TAMALIN: variants seen among roughly 807,000 people sequenced by gnomAD.
TAMALIN encodes trafficking regulator and scaffold protein tamalin, also known as protein TAMALIN.
TAMALIN carries 9 observed loss-of-function variants against 38.5 expected under a neutral mutation model. That is an observed-to-expected ratio of 0.23 (90% CI 0.14 to 0.41). The LOEUF is 0.41. Ranked by LOEUF, TAMALIN falls within the 10% of genes least tolerant of loss-of-function variation. TAMALIN has a pLI of 1.00. For missense variants in TAMALIN, 548 were observed against 554.1 expected, an observed-to-expected ratio of 0.99 and a Z score of 0.11; for synonymous variants, 306 against 256.5, an observed-to-expected ratio of 1.19 and a Z score of -1.85.
chr12:52,012,417 C>T lies in TAMALIN; in HGVS notation c.455-1270C>T, dbSNP rs189877176. ...TACAGGCACTGGCCACCAAGCCCAG[C>T]TCATTTTTGTATTTTTAGTAGAGAT... On this transcript the variant is annotated intron_variant, in intron 4 of 7. Transcript: ENST00000293662. Among the ~76,000 whole-genome samples, 292 of 152,324 alleles carry T rather than the reference C, an allele frequency of 1.9e-3. 1 individual carries two copies. The highest frequency in any genetic ancestry group is 6.6e-3 in the South Asian group (32 of 4,816).
rs2120820498 is a variant in TAMALIN at position 52,007,602 on chromosome 12, C to G, written c.246+337C>G. ...CCCCGTGGCCAGGTGTCCTGGGTCC[C>G]CAGGAGCCCCTCGCCCGAGGGACAG... On this transcript the variant is annotated intron_variant, in intron 1 of 7. Coordinates refer to ENST00000293662, the MANE Select transcript of TAMALIN (RefSeq NM_181711.4). The surrounding 1 kb of genome is among the most constrained non-coding windows in gnomAD (Gnocchi z 6.7). The G allele has an allele frequency of 1.0e-6, 1 of 985,314 alleles. No individual in the cohort carries two copies. The highest frequency in any genetic ancestry group is 1.1e-4 in the East Asian group (1 of 8,784). 61.0% of individuals were successfully genotyped at this position (985,314 alleles called of 1,614,324 possible). A position where few individuals can be genotyped will look rare whatever the true frequency, so the allele number is the denominator to read the frequency against.
At chr12:52,008,729 A>G (rs1942453710) in intron 1 of TAMALIN, 4 of 985,386 alleles carry the variant, frequency 4.1e-6, no homozygotes, top group Non-Finnish European at 4.8e-6. Context: ...GAGAGACCCA[A>G]CTGGCAGAAG....
intron 2 of TAMALIN, 109 bp from the exon 3 acceptor site, chr12:52,010,770 CAG>C: frequency 8.5e-7 from 1 of 1,180,788 alleles, no homozygotes. Context: ...TCACTGGAGA[CAG>C]AGTCCTGCTG....
chr12:52,013,340 G>A (rs1937703780), intron 4 of TAMALIN, among the ~76,000 whole-genome samples: 1 of 152,064 alleles, frequency 6.6e-6, no homozygotes, highest in Non-Finnish European at 1.5e-5. Context: ...GCCTCCCAAA[G>A]TGCTGGGATT....
rs991932310 is a variant in TAMALIN, at chr12:52,015,472, C to T, written c.*273C>T. On this transcript the variant is annotated 3_prime_UTR_variant, in exon 8 of 8. Transcript: ENST00000293662. ...AAAGATGGGGGTGCTCGCCTACAGT[C>T]TGCATCTGTAGTGCCTTGTGGGGTA... The T allele has an allele frequency of 4.5e-5, 19 of 422,210 alleles. No homozygotes were observed. Among genetic ancestry groups the T allele is most frequent in the African/African-American group, 2.8e-4 (13 of 46,862 alleles). The allele number at this position is 422,210 out of a possible 1,614,324, so 26.2% of individuals were successfully genotyped here.
At position 52,015,034 on chromosome 12, in the gene TAMALIN, G is replaced by GGGCGGA. The variant is rs1937768952; in HGVS notation, c.1029_1034dup (p.Gly345_Gly346dup). 3 of 1,323,578 alleles carry GGGCGGA rather than the reference G, an allele frequency of 2.3e-6. No individual in the cohort carries two copies. The East Asian group carries it at 1.0e-4, about 46-fold the overall frequency. The allele number at this position is 1,323,578 out of a possible 1,614,324, so 82.0% of individuals were successfully genotyped here. On this transcript the variant is annotated inframe_insertion, in exon 8 of 8. Coordinates refer to ENST00000293662, the MANE Select transcript of TAMALIN (RefSeq NM_181711.4). ...GTGTGCGGTGCGCGGGCCCTGGCGGGGGCGGAGGCGGGGGCGCGCCGGGCG... is the reference window on the plus strand; with the variant it reads ...GTGTGCGGTGCGCGGGCCCTGGCGGGGGCGGAGGCGGAGGCGGGGGCGCGCCGGGCG...
Position 52,007,966 on chromosome 12 carries a change from G to A in TAMALIN, c.246+701G>A, listed in dbSNP as rs1942442891. 2 of 985,354 alleles carry A rather than the reference G, an allele frequency of 2.0e-6. No homozygotes were observed. Among genetic ancestry groups the A allele is most frequent in the South Asian group, 4.7e-5 (1 of 21,292 alleles). 61.0% of individuals were successfully genotyped at this position (985,354 alleles called of 1,614,324 possible). On this transcript the variant is annotated intron_variant, in intron 1 of 7. Coordinates refer to ENST00000293662, the MANE Select transcript of TAMALIN (RefSeq NM_181711.4). The surrounding 1 kb of genome is among the most constrained non-coding windows in gnomAD (Gnocchi z 6.7). ...CTTCCTCTGGCCCCAGGAGACCTGA[G>A]GCTCAGAACCTACACAACACCAGGT...
intron 7 of TAMALIN, 158 bp from the exon 8 acceptor site, chr12:52,014,536 G>T: frequency 3.2e-6 from 2 of 621,280 alleles, no homozygotes; most frequent in Non-Finnish European, 5.6e-6. Context: ...CCTGATTTGC[G>T]GGTGAGGGAA....
At chr12:52,010,377 C>A in intron 2 of TAMALIN, 1 of 332,514 alleles carries the variant, frequency 3.0e-6, no homozygotes, top group Non-Finnish European at 4.4e-6. Context: ...CGGGAAGGGG[C>A]GGCCTCGAGG....
chr12:52,014,010 C>G (rs1937725574), intron 6 of TAMALIN, 67 bp downstream of exon 6: 1 of 1,563,166 alleles, frequency 6.4e-7, no homozygotes, highest in Non-Finnish European at 8.8e-7. Flanking sequence ...TGTGGGGGGT[C>G]ACTTACAGCT....
rs760631715 is a variant in TAMALIN, at chr12:52,009,195, A to C, written c.252A>C (p.Ser84=). The stretch of plus-strand genomic sequence containing the variant: ...CTGACCATCTTACTGCCCAGGGCTC[A>C]GGATTCCGCTGGAAGAATCTCAGCC... ...SGGTLPRRKG[S]GFRWKNLSQS... is the part of the protein sequence containing the mutation. Residue 84 remains serine (S), a synonymous_variant, in exon 2 of 8, where the codon TCA becomes TCC. Transcript: ENST00000293662. 2.5e-6 allele frequency: 4 copies of C among 1,614,100 alleles called. No homozygotes were observed. Among genetic ancestry groups the C allele is most frequent in the Non-Finnish European group, 3.4e-6 (4 of 1,179,970 alleles).
chr12:52,011,173 G>T lies in TAMALIN; in HGVS notation c.454+32G>T. ...CCTGAGCCCAGGACACCCAGGTCTG[G>T]GAAGGGGATATGACCTTACTCCCAA... On this transcript the variant is annotated intron_variant, in intron 4 of 7. Transcript: ENST00000293662. The surrounding 1 kb of genome is among the most constrained non-coding windows in gnomAD (Gnocchi z 5.3). 6.2e-7 allele frequency: 1 copy of T among 1,607,524 alleles called. No homozygotes were observed.
Position 52,007,281 on chromosome 12 carries a change from G to A in TAMALIN, c.246+16G>A. ...CCGCCGAAAGGTGCGTCCCCCGCCC[G>A]CCTTCAGGATCTGCTCAGCCCCTCT... is the stretch of plus-strand genomic sequence containing the variant. On this transcript the variant is annotated intron_variant, in intron 1 of 7. Coordinates refer to ENST00000293662, the MANE Select transcript of TAMALIN (RefSeq NM_181711.4). This position sits in a 1 kb window ranked among gnomAD's most constrained non-coding sequence, Gnocchi z 6.7. The A allele has an allele frequency of 4.3e-6, 6 of 1,398,920 alleles. No individual in the cohort carries two copies. Among genetic ancestry groups the A allele is most frequent in the Non-Finnish European group, 5.6e-6 (6 of 1,079,828 alleles). 86.7% of individuals were successfully genotyped at this position (1,398,920 alleles called of 1,614,324 possible).
chr12:52,014,895 C>A lies in TAMALIN; in HGVS notation c.884C>A (p.Pro295Gln). 1 of 1,211,792 alleles carries A rather than the reference C, an allele frequency of 8.3e-7. No homozygotes were observed. The highest frequency in any genetic ancestry group is 1.0e-6 in the Non-Finnish European group (1 of 965,282). The allele number at this position is 1,211,792 out of a possible 1,614,324, so 75.1% of individuals were successfully genotyped here. ...YHTCFFGDSE[P>Q]PALPPPPPPA... ...ACGTGCTTCTTCGGGGACTCCGAGC[C>A]GCCGGCGCTGCCGCCCCCGCCGCCC... Residue 295 changes from proline (P) to glutamine (Q), a missense_variant, in exon 8 of 8, where the codon CCG (proline) becomes CAG (glutamine). By Grantham distance (76) the Pro-to-Gln change is moderately conservative (BLOSUM62 -1). This residue lies in a region of TAMALIN where 415 missense variants were observed against 417.0 expected (regional missense o/e 1.00). Coordinates refer to ENST00000293662, the MANE Select transcript of TAMALIN (RefSeq NM_181711.4).
chr12:52,012,826 TAGC>T (rs955925592), intron 4 of TAMALIN, among the ~76,000 whole-genome samples: 2 of 152,086 alleles, frequency 1.3e-5, no homozygotes, highest in Admixed American at 6.5e-5. Flanking sequence ...TGGTGCAGGG[TAGC>T]AGAACTATCC....
Position 52,011,122 on chromosome 12 carries a change from G to A in TAMALIN, c.435G>A (p.Gln145=). 12 of 1,612,012 alleles carry A rather than the reference G, an allele frequency of 7.4e-6. No individual in the cohort carries two copies. Among genetic ancestry groups the A allele is most frequent in the Non-Finnish European group, 1.0e-5 (12 of 1,179,886 alleles). Residue 145 remains glutamine, a synonymous_variant, in exon 4 of 8, where the codon CAG becomes CAA. Transcript: ENST00000293662. This position sits in a 1 kb window ranked among gnomAD's most constrained non-coding sequence, Gnocchi z 5.3. ...GAGTTCATGAGTCTAGCCCTGCCCA[G>A]CTGGCTGGGCTCACACCAGGTGGGG... ...VCRVHESSPA[Q]LAGLTPGDTI...
chr12:52,008,321 G>C (rs1489401260), intron 1 of TAMALIN: 1 of 985,124 alleles, frequency 1.0e-6, no homozygotes, highest in Non-Finnish European at 1.2e-6. Context: ...CTCCTCCCAG[G>C]ACCAAAAAGT....
chr12:52,007,567 T>C lies in TAMALIN; in HGVS notation c.246+302T>C. On this transcript the variant is annotated intron_variant, in intron 1 of 7. Coordinates refer to ENST00000293662, the MANE Select transcript of TAMALIN (RefSeq NM_181711.4). The surrounding 1 kb of genome is among the most constrained non-coding windows in gnomAD (Gnocchi z 6.7). Reference sequence around the variant, plus strand: ...GCTCCATCTGGCTTTCTGCCCCCCATGCCCCGCCTCCCCGTGGCCAGGTGT... The same window carrying C: ...GCTCCATCTGGCTTTCTGCCCCCCACGCCCCGCCTCCCCGTGGCCAGGTGT... 2 of 982,672 alleles carry C rather than the reference T, an allele frequency of 2.0e-6. No individual in the cohort carries two copies. Among genetic ancestry groups the C allele is most frequent in the Non-Finnish European group, 2.4e-6 (2 of 827,842 alleles). The allele number at this position is 982,672 out of a possible 1,614,324, so 60.9% of individuals were successfully genotyped here.
Position 52,006,960 on chromosome 12 carries a change from G to T in TAMALIN, c.-60G>T. On this transcript the variant is annotated 5_prime_UTR_variant, in exon 1 of 8. Transcript: ENST00000293662. ...CCCGCCCGGCTGGCATCCCCCAGCCGCCGCCAGCCCCGCCGAGGGGAGCCA... is the reference window on the plus strand; with the variant it reads ...CCCGCCCGGCTGGCATCCCCCAGCCTCCGCCAGCCCCGCCGAGGGGAGCCA... 2 of 1,028,400 alleles carry T rather than the reference G, an allele frequency of 1.9e-6. No homozygotes were observed. Among genetic ancestry groups the T allele is most frequent in the Non-Finnish European group, 2.3e-6 (2 of 858,666 alleles). 63.7% of individuals were successfully genotyped at this position (1,028,400 alleles called of 1,614,324 possible).
Sources: allele counts gnomAD v4.1 joint callset (sites outside exome capture counted in the v4.1 genomes callset), GRCh38; gene constraint gnomAD v4.1.1; regional missense constraint gnomAD v4.1.1; non-coding constraint Gnocchi (gnomAD v3.1); transcripts MANE v1.5; gene names NCBI Gene and HGNC (gene_info 2026-07-23, HGNC 2026-07-21).